SEC23IP: variants seen among roughly 807,000 people sequenced by gnomAD.
The protein encoded by SEC23IP is SEC23-interacting protein.
SEC23IP carries 70 observed loss-of-function variants against 113.4 expected under a neutral mutation model. The observed-to-expected ratio is 0.62, with a 90% CI of 0.51 to 0.75. The LOEUF (loss-of-function observed/expected upper bound fraction) is 0.75. Ranked by LOEUF, SEC23IP falls within the 30% of genes least tolerant of loss-of-function variation. The pLI, the probability that SEC23IP is intolerant of heterozygous loss-of-function variation, is 0.00. For synonymous variants in SEC23IP, 398 were observed against 421.0 expected (o/e 0.95, Z 0.67); for missense variants, 1,160 against 1,204.9 (o/e 0.96, Z 0.55).
At chr10:119,911,955 G>A (rs1854877491) in intron 5 of SEC23IP, 89 bp from the exon 6 acceptor site, 1 of 1,457,334 alleles carries the variant, frequency 6.9e-7, no homozygotes, top group Non-Finnish European at 9.5e-7. Flanking sequence ...CGTACTCTGA[G>A]GTATAGCTTA....
Position 119,918,380 on chromosome 10 carries a change from T to G in SEC23IP, c.1754-13T>G. The G allele has an allele frequency of 6.7e-7, 1 of 1,498,984 alleles. No homozygotes were observed. The highest frequency in any genetic ancestry group is 9.3e-7 in the Non-Finnish European group (1 of 1,078,540). The allele number at this position is 1,498,984 out of a possible 1,614,324, so 92.9% of individuals were successfully genotyped here. ...CCTACTACATTATAAGGCAAAATGTTTCTTTTTCATAGGTTCTTTAATATT... is the reference window on the plus strand; with the variant it reads ...CCTACTACATTATAAGGCAAAATGTGTCTTTTTCATAGGTTCTTTAATATT... On this transcript the variant is annotated splice_polypyrimidine_tract_variant and intron_variant, in intron 9 of 18. Coordinates refer to ENST00000369075, the MANE Select transcript of SEC23IP (RefSeq NM_007190.4).
chr10:119,909,048 A>T lies in SEC23IP; in HGVS notation c.1109A>T (p.Tyr370Phe). The T allele has an allele frequency of 1.2e-6, 2 of 1,606,264 alleles. No homozygotes were observed. Among genetic ancestry groups the T allele is most frequent in the Non-Finnish European group, 1.7e-6 (2 of 1,175,724 alleles). ...TTGTTTCCCCCATTATAGGCTGAAT[A>T]TAAAAAAGCTGTAACCACTAATCAG... ...EEFSEKLEAEYKKAVTTNQWH... is the reference protein window; with the variant it reads ...EEFSEKLEAEFKKAVTTNQWH... The change falls in exon 5 of 19, where the codon TAT becomes TTT. Residue 370 changes from tyrosine (Y) to phenylalanine (F), a missense_variant. Physicochemically the swap from Tyr to Phe is conservative, Grantham distance 22 (BLOSUM62 3). Transcript: ENST00000369075.
chr10:119,924,928 C>T (rs886780620), intron 12 of SEC23IP, among the ~76,000 whole-genome samples: 1 of 152,078 alleles, frequency 6.6e-6, no homozygotes, highest in African/African-American at 2.4e-5. Context: ...CAGGCATGCA[C>T]CACCATGCCC....
intron 1 of SEC23IP, among the ~76,000 whole-genome samples, chr10:119,896,305 A>G (rs1023529040): frequency 6.6e-6 from 1 of 152,226 alleles, no homozygotes; most frequent in Non-Finnish European, 1.5e-5. Flanking sequence ...TTCTTGAATA[A>G]ATATTTGAAT....
intron 4 of SEC23IP, among the ~76,000 whole-genome samples, chr10:119,906,774 C>A (rs893993759): frequency 1.3e-5 from 2 of 151,652 alleles, no homozygotes; most frequent in Non-Finnish European, 2.9e-5. Context: ...CAGGGTTTCA[C>A]CATGTTGGCC....
At position 119,902,806 on chromosome 10, in the gene SEC23IP, C is replaced by A. The variant is rs1278490132; in HGVS notation, c.704C>A (p.Ser235Tyr). ...MPPGSLPPVPSSVQSPAQQQV... is the reference protein window; with the variant it reads ...MPPGSLPPVPYSVQSPAQQQV... ...CTTTGCCGTCCCCTCCAGGTTCCTT[C>A]TTCAGTGCAGTCACCGGCACAGCAG... Residue 235 changes from serine to tyrosine, a missense_variant, in exon 3 of 19, where the codon TCT becomes TAT. Physicochemically the swap from Ser to Tyr is moderately radical, Grantham distance 144. Transcript: ENST00000369075. 13 of 1,613,910 alleles carry A rather than the reference C, an allele frequency of 8.1e-6. No homozygotes were observed. The highest frequency in any genetic ancestry group is 1.1e-5 in the Non-Finnish European group (13 of 1,179,924).
chr10:119,904,500 G>A, intron 4 of SEC23IP: 1 of 507,760 alleles, frequency 2.0e-6, no homozygotes, highest in South Asian at 2.4e-5. Flanking sequence ...ACACATCACA[G>A]ATCTAATAAG....
At chr10:119,918,117 T>C (rs1564916351) in intron 9 of SEC23IP, 73 bp downstream of exon 9, 9 of 1,183,060 alleles carry the variant, frequency 7.6e-6, no homozygotes, top group African/African-American at 1.5e-5. Flanking sequence ...GTAGGTGATA[T>C]TGTTAGTGCA....
Position 119,932,358 on chromosome 10 carries a change from T to C in SEC23IP, c.2758+40T>C, listed in dbSNP as rs1292831224. The C allele has an allele frequency of 2.7e-6, 4 of 1,462,778 alleles. No homozygotes were observed. The East Asian group carries it at 9.1e-5, about 33-fold the overall frequency. The allele number at this position is 1,462,778 out of a possible 1,614,324, so 90.6% of individuals were successfully genotyped here. On this transcript the variant is annotated intron_variant, in intron 16 of 18. Coordinates refer to ENST00000369075, the MANE Select transcript of SEC23IP (RefSeq NM_007190.4). ...TGAGGCATTTTCTAATACAAATGTT[T>C]CATATGAACATAATACTTAAAAGTT...
intron 4 of SEC23IP, among the ~76,000 whole-genome samples, chr10:119,905,058 A>G (rs1854618325): frequency 6.6e-6 from 1 of 152,044 alleles, no homozygotes; most frequent in Non-Finnish European, 1.5e-5. Context: ...CACCTGTGCC[A>G]GGGAAGTTGA....
chr10:119,925,690 C>A (rs1855396318), intron 12 of SEC23IP, among the ~76,000 whole-genome samples: 2 of 151,958 alleles, frequency 1.3e-5, no homozygotes, highest in South Asian at 4.2e-4. Flanking sequence ...CACAGGTGTG[C>A]ACTACCAGGC....
intron 13 of SEC23IP, among the ~76,000 whole-genome samples, chr10:119,927,869 CAT>C (rs1478984036): frequency 6.6e-6 from 1 of 152,200 alleles, no homozygotes; most frequent in Admixed American, 6.5e-5. Flanking sequence ...AGTTGGTAGA[CAT>C]AGGGTAGCTG....
chr10:119,919,456 C>T lies in SEC23IP; in HGVS notation c.1885C>T (p.Pro629Ser), dbSNP rs1324906873. ...HFQEKQMPEE[P>S]KLTLDESYDL... Reference sequence around the variant, plus strand: ...TTTTTTTTTAAAGATGCCTGAAGAGCCAAAGCTGACTTTGGATGAGTCGTA... The same window carrying T: ...TTTTTTTTTAAAGATGCCTGAAGAGTCAAAGCTGACTTTGGATGAGTCGTA... The change falls in exon 11 of 19, where the codon CCA becomes TCA. Residue 629 changes from proline (P) to serine (S), a missense_variant. Pro to Ser is a moderately conservative substitution (Grantham distance 74). Coordinates refer to ENST00000369075, the MANE Select transcript of SEC23IP (RefSeq NM_007190.4). 1 of 1,595,462 alleles carries T rather than the reference C, an allele frequency of 6.3e-7. No individual in the cohort carries two copies. Among genetic ancestry groups the T allele is most frequent in the Non-Finnish European group, 8.5e-7 (1 of 1,175,158 alleles).
In SEC23IP at chr10:119,940,659, C is replaced by A. The variant is rs1350918324; in HGVS notation, c.*94C>A. ...AAATCCTCAGAGGACTTTCCCACTT[C>A]GCTCCTGTGATGGATGACAGAAGAG... On this transcript the variant is annotated 3_prime_UTR_variant, in exon 19 of 19. Transcript: ENST00000369075. 2 of 151,736 alleles carry A rather than the reference C, an allele frequency of 1.3e-5. No individual in the cohort carries two copies. The highest frequency in any genetic ancestry group is 4.8e-5 in the African/African-American group (2 of 41,268). The allele number at this position is 151,736 out of a possible 1,614,324, so 9.4% of individuals were successfully genotyped here.
intron 13 of SEC23IP, among the ~76,000 whole-genome samples, chr10:119,927,259 T>G (rs1855452405): frequency 6.6e-6 from 1 of 152,228 alleles, no homozygotes; most frequent in Non-Finnish European, 1.5e-5. Context: ...TTTGGAGAGA[T>G]AATGACTTAT....
rs1035455725 is a variant in SEC23IP at position 119,907,725 on chromosome 10, C to T, written c.1102-1316C>T. On this transcript the variant is annotated intron_variant, in intron 4 of 18. Transcript: ENST00000369075. ...CAGCACTTTGGGAGGCTGAGGTGGACGGATCATCTGAGGTCAGGAGTTCGA... is the reference window on the plus strand; with the variant it reads ...CAGCACTTTGGGAGGCTGAGGTGGATGGATCATCTGAGGTCAGGAGTTCGA... Among the ~76,000 whole-genome samples the T allele has an allele frequency of 1.7e-4, 26 of 152,208 alleles. 1 individual carries two copies. Among genetic ancestry groups the T allele is most frequent in the Admixed American group, 7.8e-4 (12 of 15,288 alleles).
intron 12 of SEC23IP, among the ~76,000 whole-genome samples, chr10:119,924,601 T>C (rs1855362940): frequency 6.6e-6 from 1 of 151,566 alleles, no homozygotes; most frequent in African/African-American, 2.4e-5. Context: ...TTTGTATTTT[T>C]AGTAGAGACG....
intron 1 of SEC23IP, 28 bp from the exon 2 acceptor site, chr10:119,898,399 A>T: frequency 1.3e-6 from 2 of 1,586,028 alleles, no homozygotes; most frequent in Non-Finnish European, 1.7e-6. Context: ...GTACCCTTTA[A>T]ACCACATGCT....
At chr10:119,894,131 G>C (rs1349639832) in intron 1 of SEC23IP, among the ~76,000 whole-genome samples, 1 of 152,134 alleles carries the variant, frequency 6.6e-6, no homozygotes, top group African/African-American at 2.4e-5. Context: ...TTTGCAAAGC[G>C]CTAAGTATAG....
Sources: allele counts gnomAD v4.1 joint callset (sites outside exome capture counted in the v4.1 genomes callset), GRCh38; gene constraint gnomAD v4.1.1; transcripts MANE v1.5; gene names NCBI Gene and HGNC (gene_info 2026-07-23, HGNC 2026-07-21).